FGF13: variants seen among roughly 807,000 people sequenced by gnomAD.
FGF13 encodes the protein fibroblast growth factor 13.
FGF13 carries 2 observed loss-of-function variants against 19.5 expected under a neutral mutation model. That is an observed-to-expected ratio of 0.10 (90% CI 0.04 to 0.32). The LOEUF is 0.32. Ranked by LOEUF, FGF13 falls within the 10% of genes least tolerant of loss-of-function variation. The probability of loss-of-function intolerance (pLI) is 1.00; values close to 1 mark genes in which losing one functional copy is unlikely to be tolerated. For synonymous variants in FGF13, 72 were observed against 76.9 expected (o/e 0.94, Z 0.33); for missense variants, 113 against 192.7 (o/e 0.59, Z 2.45).
intron 1 of FGF13, among the ~76,000 whole-genome samples, chrX:138,952,629 A>G (rs2091819213): frequency 9.0e-6 from 1 of 111,524 alleles, no homozygotes; most frequent in African/African-American, 3.3e-5. Context: ...CTACCATCAG[A>G]GTGAACAGGC....
At chrX:138,767,873 TAC>T (rs2090513619) in intron 3 of FGF13, among the ~76,000 whole-genome samples, 2 of 112,383 alleles carry the variant, frequency 1.8e-5, no homozygotes, top group African/African-American at 6.5e-5. Context: ...AGAGATATAC[TAC>T]AGAGTTTGGC....
intron 1 of FGF13, among the ~76,000 whole-genome samples, chrX:139,052,247 G>T (rs1165337391): frequency 9.0e-6 from 1 of 111,375 alleles, no homozygotes; most frequent in African/African-American, 3.3e-5. Flanking sequence ...TGGAAAAAAT[G>T]GAAGTAAAAG....
At chrX:138,991,156 TG>T (rs752723281) in intron 1 of FGF13, among the ~76,000 whole-genome samples, 155 of 112,023 alleles carry the variant, frequency 1.4e-3, no homozygotes, top group African/African-American at 4.6e-3. Flanking sequence ...CTTCTCATGA[TG>T]TTATAGCTGT....
intron 1 of FGF13, among the ~76,000 whole-genome samples, chrX:139,120,984 A>C (rs1431212522): frequency 8.9e-6 from 1 of 112,827 alleles, no homozygotes; most frequent in Non-Finnish European, 1.9e-5. Flanking sequence ...GAATAATTTC[A>C]GGTGGCACTC....
intron 1 of FGF13, among the ~76,000 whole-genome samples, chrX:139,118,934 G>A (rs1370225433): frequency 3.6e-5 from 4 of 111,563 alleles, no homozygotes; most frequent in Admixed American, 1.9e-4. Context: ...GCCAAGTCAG[G>A]AGGATCCCTT....
chrX:138,997,969 G>A (rs771308552), intron 1 of FGF13, among the ~76,000 whole-genome samples: 3 of 111,913 alleles, frequency 2.7e-5, no homozygotes, highest in South Asian at 7.5e-4. Context: ...GAAGCCCATT[G>A]GACTAACAGC....
intron 1 of FGF13, among the ~76,000 whole-genome samples, chrX:139,065,599 G>C: frequency 9.1e-6 from 1 of 110,194 alleles, no homozygotes; most frequent in Non-Finnish European, 1.9e-5. Flanking sequence ...AATGGTAAAG[G>C]GATCAATACA....
intron 1 of FGF13, 53 bp from the exon 2 acceptor site, chrX:138,708,981 G>T: frequency 1.5e-6 from 1 of 653,844 alleles, no homozygotes; most frequent in Non-Finnish European, 2.3e-6. Context: ...CTATGTAGTT[G>T]AAAAGACTAG....
intron 1 of FGF13, among the ~76,000 whole-genome samples, chrX:139,112,081 AAATC>A (rs2083606922): frequency 8.9e-6 from 1 of 112,021 alleles, no homozygotes; most frequent in Admixed American, 9.5e-5. Flanking sequence ...ACCAAAAAGA[AAATC>A]AATCACTTTC....
At chrX:139,191,755 G>A (rs1404871947) in intron 1 of FGF13, among the ~76,000 whole-genome samples, 1 of 111,135 alleles carries the variant, frequency 9.0e-6, no homozygotes, top group Non-Finnish European at 1.9e-5. Context: ...AAGGAAAAGC[G>A]GAATTACCTT....
intron 2 of FGF13, among the ~76,000 whole-genome samples, chrX:138,706,732 G>A (rs191293086): frequency 3.3e-4 from 37 of 111,481 alleles, no homozygotes; most frequent in African/African-American, 1.2e-3. Flanking sequence ...TGGATAGCTG[G>A]CCTTCATGAT....
chrX:138,789,585 C>T (rs1302570563), intron 3 of FGF13, among the ~76,000 whole-genome samples: 1 of 111,060 alleles, frequency 9.0e-6, no homozygotes, highest in Non-Finnish European at 1.9e-5. Flanking sequence ...CCTTCACCAC[C>T]AGCTTCTTCC....
chrX:138,846,855 T>C (rs2091186843), intron 3 of FGF13, among the ~76,000 whole-genome samples: 1 of 111,667 alleles, frequency 9.0e-6, no homozygotes, highest in East Asian at 2.8e-4. Context: ...AATCACTCCA[T>C]TATTTCTTTG....
At chrX:138,726,943 C>T (rs755683483) in intron 1 of FGF13, among the ~76,000 whole-genome samples, 19 of 110,953 alleles carry the variant, frequency 1.7e-4, no homozygotes, top group Non-Finnish European at 1.5e-4. Context: ...GCTCTGGAGT[C>T]CCTACTTTTA....
intron 1 of FGF13, among the ~76,000 whole-genome samples, chrX:138,951,471 A>G (rs2091811371): frequency 8.9e-6 from 1 of 111,961 alleles, no homozygotes; most frequent in African/African-American, 3.2e-5. Flanking sequence ...TAAGTAAGCC[A>G]CAGTCAGGAA....
At chrX:138,827,141 G>C (rs1378159461) in intron 3 of FGF13, among the ~76,000 whole-genome samples, 1 of 112,217 alleles carries the variant, frequency 8.9e-6, no homozygotes, top group South Asian at 3.7e-4. Flanking sequence ...GATAGAAAAA[G>C]GCATTGAGAA....
intron 3 of FGF13, among the ~76,000 whole-genome samples, chrX:138,686,876 T>C (rs1020544323): frequency 6.3e-5 from 7 of 111,826 alleles, no homozygotes; most frequent in Non-Finnish European, 1.3e-4. Flanking sequence ...AATAAAACAA[T>C]TAAGCACGGG....
chrX:139,083,936 C>T (rs1032491287), intron 1 of FGF13, among the ~76,000 whole-genome samples: 8 of 110,542 alleles, frequency 7.2e-5, no homozygotes, highest in Non-Finnish European at 1.1e-4. Flanking sequence ...GGCTTGTATA[C>T]AGGATCTGCA....
At chrX:138,830,499 A>T (rs1194385454) in intron 3 of FGF13, among the ~76,000 whole-genome samples, 1 of 112,001 alleles carries the variant, frequency 8.9e-6, no homozygotes, top group Non-Finnish European at 1.9e-5. Flanking sequence ...AAGAGTGGTG[A>T]ATCTGGCTGA....
Sources: allele counts gnomAD v4.1 joint callset (sites outside exome capture counted in the v4.1 genomes callset), GRCh38; gene constraint gnomAD v4.1.1; transcripts MANE v1.5; gene names NCBI Gene and HGNC (gene_info 2026-07-23, HGNC 2026-07-21).